Variants in SPHKAP observed in about 807,000 individuals in gnomAD.
SPHKAP encodes A-kinase anchor protein SPHKAP.
Under a neutral mutation model 137.5 loss-of-function variants are expected in SPHKAP, and 67 were observed. The ratio of observed to expected loss-of-function variants is 0.49; its 90% confidence interval spans 0.40 to 0.60. The LOEUF is 0.60. SPHKAP is among the 20% of genes least tolerant of loss of function. SPHKAP has a pLI of 0.00. For missense variants in SPHKAP, 2,097 were observed against 2,069.3 expected (o/e 1.01, Z -0.26); for synonymous variants, 813 against 785.3 (o/e 1.04, Z -0.59).
At chr2:228,167,145 A>G (rs1700445055) in intron 1 of SPHKAP, among the ~76,000 whole-genome samples, 1 of 152,196 alleles carries the variant, frequency 6.6e-6, no homozygotes, top group African/African-American at 2.4e-5. Context: ...GGGTGGGGAC[A>G]TACATCCAAA....
chr2:228,035,007 C>T (rs1414148982), intron 3 of SPHKAP, among the ~76,000 whole-genome samples: 2 of 150,454 alleles, frequency 1.3e-5, no homozygotes, highest in Non-Finnish European at 3.0e-5. Context: ...TCCTATTCAA[C>T]ATAGTGTTGG....
intron 3 of SPHKAP, among the ~76,000 whole-genome samples, chr2:228,059,456 C>A (rs967913688): frequency 3.3e-5 from 5 of 152,180 alleles, no homozygotes; most frequent in African/African-American, 7.2e-5. Flanking sequence ...AGCTAAGCTG[C>A]AGTCATGGTC....
At chr2:228,178,768 C>T (rs769381013) in intron 1 of SPHKAP, among the ~76,000 whole-genome samples, 4 of 151,820 alleles carry the variant, frequency 2.6e-5, no homozygotes, top group African/African-American at 4.8e-5. Flanking sequence ...TCCTTATGGA[C>T]GATATCTTCC....
chr2:228,095,547 G>C (rs1697954213), intron 3 of SPHKAP, among the ~76,000 whole-genome samples: 1 of 152,166 alleles, frequency 6.6e-6, no homozygotes, highest in Non-Finnish European at 1.5e-5. Context: ...AATATAAGCA[G>C]TGAAAACATG....
intron 1 of SPHKAP, among the ~76,000 whole-genome samples, chr2:228,148,229 G>A (rs1574895169): frequency 1.3e-5 from 2 of 152,116 alleles, no homozygotes; most frequent in Non-Finnish European, 2.9e-5. Flanking sequence ...GAGAGAAGAG[G>A]GGTACTTGGG....
intron 3 of SPHKAP, among the ~76,000 whole-genome samples, chr2:228,050,152 A>C (rs551328089): frequency 1.3e-5 from 2 of 152,332 alleles, no homozygotes; most frequent in Admixed American, 6.5e-5. Flanking sequence ...ACCATCTCAC[A>C]TCAGTCAGAA....
At chr2:228,032,543 A>C (rs1339444502) in intron 3 of SPHKAP, among the ~76,000 whole-genome samples, 1 of 152,064 alleles carries the variant, frequency 6.6e-6, no homozygotes, top group African/African-American at 2.4e-5. Flanking sequence ...CCACAAAGAT[A>C]CTCCTCGAGA....
chr2:228,016,839 C>T lies in SPHKAP; in HGVS notation c.4015G>A (p.Gly1339Ser), dbSNP rs1338854193. The T allele has an allele frequency of 1.2e-6, 2 of 1,613,942 alleles. No homozygotes were observed. Among genetic ancestry groups the T allele is most frequent in the African/African-American group, 1.3e-5 (1 of 74,886 alleles). The change falls in exon 7 of 12, where the codon GGC becomes AGC. Residue 1339 changes from glycine (G) to serine (S), a missense_variant. Coordinates refer to ENST00000392056, the MANE Select transcript of SPHKAP (RefSeq NM_001142644.2). ...CACTTCTCTGCTTGCGAGGGAGAGC[C>T]ACCAGAAACAGGCTCAGTGTCAGCT... is the stretch of plus-strand genomic sequence containing the variant. ...EEADTEPVSG[G>S]SPSQAEKCAN...
chr2:228,021,634 G>A, intron 6 of SPHKAP, 77 bp downstream of exon 6: 1 of 1,525,036 alleles, frequency 6.6e-7, no homozygotes, highest in East Asian at 2.3e-5. Flanking sequence ...GATGTGGCCT[G>A]GAACTTTTCT....
rs745756112 is a variant in SPHKAP at position 228,121,382 on chromosome 2, G to T, written c.138+10598C>A. 6.4e-4 allele frequency among the ~76,000 whole-genome samples: 98 copies of T among 152,274 alleles called. 2 individuals carry two copies. Among genetic ancestry groups the T allele is most frequent in the Non-Finnish European group, 1.2e-3 (82 of 68,028 alleles). ...AAACAAAAAATTAGCCAGGCATGGT[G>T]CCTTGCACCTATAGTCCAAGCTACT... On this transcript the variant is annotated intron_variant, in intron 2 of 11. Coordinates refer to ENST00000392056, the MANE Select transcript of SPHKAP (RefSeq NM_001142644.2).
intron 1 of SPHKAP, among the ~76,000 whole-genome samples, chr2:228,180,595 GC>G (rs1171584703): frequency 6.6e-5 from 10 of 152,168 alleles, no homozygotes; most frequent in African/African-American, 2.4e-4. Flanking sequence ...CTAAGCCGCT[GC>G]CCAGGAGAGG....
chr2:228,166,182 T>C (rs376339916), intron 1 of SPHKAP, among the ~76,000 whole-genome samples: 2 of 152,164 alleles, frequency 1.3e-5, no homozygotes, highest in African/African-American at 2.4e-5. Flanking sequence ...GTGTTTATGA[T>C]CTTGTGACAC....
rs191501538 is a variant in SPHKAP, at chr2:227,981,586, G to C, written c.*131C>G. 6.6e-6 allele frequency: 8 copies of C among 1,216,150 alleles called. No homozygotes were observed. The Admixed American group carries it at 2.0e-4, about 31-fold the overall frequency. The allele number at this position is 1,216,150 out of a possible 1,614,324, so 75.3% of individuals were successfully genotyped here. On this transcript the variant is annotated 3_prime_UTR_variant, in exon 12 of 12. Transcript: ENST00000392056. ...CTTATTCTGTATGCAGTGGATCTGA[G>C]TAGCAGATTTTTTTTTATAGTTCTG...
intron 3 of SPHKAP, among the ~76,000 whole-genome samples, chr2:228,057,198 A>C (rs961240191): frequency 3.3e-5 from 5 of 152,234 alleles, no homozygotes. Context: ...CAGATACTAT[A>C]AATCATACTT....
At chr2:228,096,654 GTGTGTGTGT>G (rs1697992618) in intron 3 of SPHKAP, among the ~76,000 whole-genome samples, 1 of 151,946 alleles carries the variant, frequency 6.6e-6, no homozygotes, top group Admixed American at 6.6e-5. Flanking sequence ...GTGTGTGTGT[GTGTGTGTGT>G]GTGTCTGCGT....
intron 2 of SPHKAP, among the ~76,000 whole-genome samples, chr2:228,125,963 C>T (rs1443862473): frequency 6.6e-6 from 1 of 152,046 alleles, no homozygotes; most frequent in Non-Finnish European, 1.5e-5. Context: ...ACCTGTAATC[C>T]CAGCTACTTG....
chr2:228,084,105 GAAGA>G (rs202078248), intron 3 of SPHKAP, among the ~76,000 whole-genome samples: 13 of 140,358 alleles, frequency 9.3e-5, no homozygotes, highest in African/African-American at 2.1e-4. Flanking sequence ...TAAAAAAGAA[GAAGA>G]AAAAAAAAAA....
chr2:228,154,580 G>A lies in SPHKAP; in HGVS notation c.33-22495C>T, dbSNP rs376327141. 6.2e-5 allele frequency among the ~76,000 whole-genome samples: 6 copies of A among 97,552 alleles called. No individual in the cohort carries two copies. The East Asian group carries it at 1.6e-3, about 27-fold the overall frequency. 64.0% of individuals were successfully genotyped at this position (97,552 alleles called of 152,430 possible). A position where few individuals can be genotyped will look rare whatever the true frequency, so the allele number is the denominator to read the frequency against. ...TTTTTTTTTTTTGAGATGGAGTCTCGCTCTGTCACCCAGGCTGGAGTGCAG... is the reference window on the plus strand; with the variant it reads ...TTTTTTTTTTTTGAGATGGAGTCTCACTCTGTCACCCAGGCTGGAGTGCAG... On this transcript the variant is annotated intron_variant, in intron 1 of 11. Coordinates refer to ENST00000392056, the MANE Select transcript of SPHKAP (RefSeq NM_001142644.2).
intron 1 of SPHKAP, among the ~76,000 whole-genome samples, chr2:228,180,748 C>T (rs1458017174): frequency 6.6e-6 from 1 of 152,202 alleles, no homozygotes; most frequent in East Asian, 1.9e-4. Flanking sequence ...GCACCACCGC[C>T]CCGATTTACC....
Sources: allele counts gnomAD v4.1 joint callset (sites outside exome capture counted in the v4.1 genomes callset), GRCh38; gene constraint gnomAD v4.1.1; transcripts MANE v1.5; gene names NCBI Gene and HGNC (gene_info 2026-07-23, HGNC 2026-07-21).